The following ZRANB3 variants were observed in gnomAD, a reference collection of about 807,000 sequenced individuals.
ZRANB3 encodes the protein zinc finger RANBP2-type containing 3, also known as DNA annealing helicase and endonuclease ZRANB3.
A neutral mutation model predicts 133.8 loss-of-function variants in ZRANB3; 125 were observed. The observed-to-expected ratio is 0.93, with a 90% CI of 0.81 to 1.08. ZRANB3 has a LOEUF of 1.08. ZRANB3 is among the 50% of genes least tolerant of loss of function. The probability of loss-of-function intolerance (pLI) is 0.00; values close to 1 mark genes in which losing one functional copy is unlikely to be tolerated. For missense variants in ZRANB3, 1,229 were observed against 1,275.5 expected (o/e 0.96, Z 0.56); for synonymous variants, 387 against 432.7 (o/e 0.89, Z 1.31).
chr2:135,278,164 C>T (rs951453441), intron 8 of ZRANB3, among the ~76,000 whole-genome samples: 1 of 151,916 alleles, frequency 6.6e-6, no homozygotes, highest in Non-Finnish European at 1.5e-5. Flanking sequence ...AGACCCAGAA[C>T]GAGGCTCATT....
intron 1 of ZRANB3, 81 bp from the exon 2 acceptor site, chr2:135,504,577 A>C: frequency 8.2e-7 from 1 of 1,213,388 alleles, no homozygotes; most frequent in African/African-American, 1.5e-5. Flanking sequence ...ACATATAAAT[A>C]ATATTAAAGT....
At chr2:135,498,454 C>T (rs948445848) in intron 2 of ZRANB3, among the ~76,000 whole-genome samples, 4 of 152,192 alleles carry the variant, frequency 2.6e-5, no homozygotes, top group Non-Finnish European at 5.9e-5. Flanking sequence ...TCTTTAATCT[C>T]TTAATCCCAT....
chr2:135,407,718 G>A (rs1688107340), intron 2 of ZRANB3, among the ~76,000 whole-genome samples: 1 of 151,586 alleles, frequency 6.6e-6, no homozygotes, highest in Admixed American at 6.6e-5. Context: ...AACAATAAAT[G>A]GGGAAAGGAT....
intron 17 of ZRANB3, among the ~76,000 whole-genome samples, chr2:135,214,360 G>A (rs1409980192): frequency 6.6e-6 from 1 of 151,890 alleles, no homozygotes; most frequent in Non-Finnish European, 1.5e-5. Context: ...TCTGCTGCTT[G>A]TTAACACAAG....
At chr2:135,291,899 T>G (rs552337417) in intron 8 of ZRANB3, among the ~76,000 whole-genome samples, 1 of 152,324 alleles carries the variant, frequency 6.6e-6, no homozygotes, top group East Asian at 1.9e-4. Context: ...TCCAGCTTCA[T>G]CCATGTCCCT....
intron 3 of ZRANB3, among the ~76,000 whole-genome samples, chr2:135,385,912 C>G (rs1450259622): frequency 6.6e-6 from 1 of 152,130 alleles, no homozygotes; most frequent in Non-Finnish European, 1.5e-5. Flanking sequence ...TAGGCAATAC[C>G]ATTCAGGACA....
At chr2:135,250,513 G>T (rs1679339434) in intron 12 of ZRANB3, among the ~76,000 whole-genome samples, 1 of 152,174 alleles carries the variant, frequency 6.6e-6, no homozygotes, top group Admixed American at 6.5e-5. Flanking sequence ...CCCGTCACAG[G>T]CCAGGAGGCC....
rs143173133 is a variant in ZRANB3, at chr2:135,290,880, C to T, written c.967-15125G>A. On this transcript the variant is annotated intron_variant, in intron 8 of 20. Coordinates refer to ENST00000264159, the MANE Select transcript of ZRANB3 (RefSeq NM_032143.4). ...AGGGATGGTTTCCTTGATTATTCCC[C>T]GAAATAAGTTTTCCAAACTTTTAGA... Among the ~76,000 whole-genome samples the T allele has an allele frequency of 3.9e-4, 60 of 152,224 alleles. 1 individual carries two copies. Among genetic ancestry groups the T allele is most frequent in the Middle Eastern group, 6.8e-3 (2 of 294 alleles).
chr2:135,258,869 T>A (rs1283544992), intron 12 of ZRANB3, among the ~76,000 whole-genome samples: 1 of 152,230 alleles, frequency 6.6e-6, no homozygotes, highest in Admixed American at 6.5e-5. Context: ...ACTTTCTTTT[T>A]GCTGTTACCA....
chr2:135,334,766 G>A (rs1299857184), intron 6 of ZRANB3, among the ~76,000 whole-genome samples: 16 of 151,902 alleles, frequency 1.1e-4, no homozygotes, highest in Admixed American at 2.6e-4. Flanking sequence ...ATGGTGGCGC[G>A]CGCCTGTAGT....
intron 1 of ZRANB3, among the ~76,000 whole-genome samples, chr2:135,526,152 C>A (rs1214565204): frequency 1.4e-5 from 2 of 147,612 alleles, no homozygotes; most frequent in South Asian, 2.1e-4. Flanking sequence ...GAGGACTAAG[C>A]TATGATTTTT....
chr2:135,301,336 C>T (rs1192127695), intron 8 of ZRANB3, among the ~76,000 whole-genome samples: 1 of 152,008 alleles, frequency 6.6e-6, no homozygotes, highest in East Asian at 1.9e-4. Context: ...TAGGCACGCA[C>T]CACCATGCCC....
At chr2:135,257,840 T>C (rs2105102902) in intron 12 of ZRANB3, among the ~76,000 whole-genome samples, 1 of 152,306 alleles carries the variant, frequency 6.6e-6, no homozygotes, top group East Asian at 1.9e-4. Flanking sequence ...ATTGGCAAAG[T>C]TATGAGAACA....
At chr2:135,324,831 AGTG>A (rs1452977307) in intron 6 of ZRANB3, among the ~76,000 whole-genome samples, 1 of 151,964 alleles carries the variant, frequency 6.6e-6, no homozygotes, top group African/African-American at 2.4e-5. Flanking sequence ...TCTGATGAGC[AGTG>A]ATGATGAGCA....
At chr2:135,462,397 T>G (rs1253787990) in intron 2 of ZRANB3, among the ~76,000 whole-genome samples, 1 of 152,198 alleles carries the variant, frequency 6.6e-6, no homozygotes, top group Non-Finnish European at 1.5e-5. Context: ...AGAGTAGACA[T>G]ATATAAGCAC....
intron 2 of ZRANB3, among the ~76,000 whole-genome samples, chr2:135,421,570 C>T (rs1194859612): frequency 6.6e-6 from 1 of 152,090 alleles, no homozygotes; most frequent in Non-Finnish European, 1.5e-5. Context: ...ACTGTTGACT[C>T]CTTCCTCCCT....
At chr2:135,462,187 G>T (rs1361601060) in intron 2 of ZRANB3, among the ~76,000 whole-genome samples, 1 of 152,082 alleles carries the variant, frequency 6.6e-6, no homozygotes, top group Non-Finnish European at 1.5e-5. Flanking sequence ...TAAGGACCAG[G>T]TAAAAACATA....
At chr2:135,402,594 T>A (rs1444517840) in intron 2 of ZRANB3, among the ~76,000 whole-genome samples, 1 of 132,206 alleles carries the variant, frequency 7.6e-6, no homozygotes, top group Admixed American at 7.2e-5. Context: ...GCACCCAGAC[T>A]TTTTTTTTTT....
chr2:135,443,423 A>G (rs1689878862), intron 2 of ZRANB3, among the ~76,000 whole-genome samples: 1 of 151,974 alleles, frequency 6.6e-6, no homozygotes, highest in Non-Finnish European at 1.5e-5. Context: ...TAGGAGAAAT[A>G]CCTAATGTAA....
Sources: gnomAD v4.1 joint callset for allele counts (sites outside exome capture counted in the v4.1 genomes callset) on GRCh38, gnomAD v4.1.1 for gene constraint, MANE v1.5 for transcripts, NCBI Gene and HGNC (gene_info 2026-07-23, HGNC 2026-07-21) for gene names.